Variants in RALGPS1 observed in about 807,000 individuals in gnomAD.
The protein encoded by RALGPS1 is Ral GEF with PH domain and SH3 binding motif 1.
A neutral mutation model predicts 78.8 loss-of-function variants in RALGPS1; 19 were observed. That is an observed-to-expected ratio of 0.24 (90% confidence interval 0.17 to 0.35). The LOEUF is 0.35. Among genes scored for constraint, RALGPS1 ranks in the 10% least tolerant of loss-of-function variants. RALGPS1 has a pLI of 1.00. For missense variants in RALGPS1, 454 were observed against 688.3 expected (o/e 0.66, Z 3.81); for synonymous variants, 228 against 256.3 (o/e 0.89, Z 1.06).
chr9:127,214,638 T>TG, intron 17 of RALGPS1, 113 bp from the exon 18 acceptor site: 1 of 1,476,026 alleles, frequency 6.8e-7, no homozygotes, highest in East Asian at 2.5e-5. Flanking sequence ...CCAGCTCACC[T>TG]GGGGCCGACC....
chr9:126,954,341 C>T (rs1338347426), intron 1 of RALGPS1, among the ~76,000 whole-genome samples: 1 of 152,210 alleles, frequency 6.6e-6, no homozygotes, highest in Non-Finnish European at 1.5e-5. Flanking sequence ...TCTCCTGGAT[C>T]CATTCCCCAC....
intron 8 of RALGPS1, among the ~76,000 whole-genome samples, chr9:127,105,060 C>G (rs1246248331): frequency 6.6e-6 from 1 of 152,158 alleles, no homozygotes; most frequent in African/African-American, 2.4e-5. Context: ...GACCCTCCCC[C>G]AGCTGCTCTC....
chr9:126,957,178 C>G (rs2038424974), intron 1 of RALGPS1, among the ~76,000 whole-genome samples: 2 of 152,212 alleles, frequency 1.3e-5, no homozygotes, highest in Admixed American at 1.3e-4. Context: ...TGGAGCGGAG[C>G]CACCCAGTGA....
At chr9:127,029,832 C>T (rs2046272511) in intron 4 of RALGPS1, among the ~76,000 whole-genome samples, 1 of 152,192 alleles carries the variant, frequency 6.6e-6, no homozygotes, top group Admixed American at 6.5e-5. Flanking sequence ...CACCTCAAGG[C>T]GTCTGACTCC....
intron 1 of RALGPS1, among the ~76,000 whole-genome samples, chr9:126,936,073 C>T (rs1387777639): frequency 6.6e-6 from 1 of 152,224 alleles, no homozygotes; most frequent in Non-Finnish European, 1.5e-5. Context: ...CTTAGGAAGA[C>T]CGCAGTCTGC....
intron 11 of RALGPS1, among the ~76,000 whole-genome samples, chr9:127,182,626 A>T (rs1457628933): frequency 6.6e-6 from 1 of 151,684 alleles, no homozygotes; most frequent in Non-Finnish European, 1.5e-5. Context: ...GATGGGTTTC[A>T]CTATGTTGGC....
intron 8 of RALGPS1, chr9:127,108,611 G>A: frequency 6.2e-7 from 1 of 1,613,644 alleles, no homozygotes; most frequent in Non-Finnish European, 8.5e-7. Context: ...TACCTGTTTA[G>A]GTAAATGAAC....
intron 1 of RALGPS1, among the ~76,000 whole-genome samples, chr9:126,960,219 C>CCTT (rs2038766509): frequency 4.7e-5 from 4 of 85,784 alleles, no homozygotes; most frequent in East Asian, 8.1e-4. Context: ...CTCCCTCCCT[C>CCTT]CCTTCCTTCC....
In RALGPS1 at chr9:127,132,334, G is replaced by A. The variant is rs1044069062; in HGVS notation, c.611-33735G>A. On this transcript the variant is annotated intron_variant, in intron 8 of 18. Transcript: ENST00000259351. The stretch of plus-strand genomic sequence containing the variant: ...ATACAGAAAAGGAAATAAAGGGTAC[G>A]TTAAAAAAAGGTTCCTATAAATCGT... Among the ~76,000 whole-genome samples the A allele has an allele frequency of 4.1e-4, 62 of 152,280 alleles. No individual in the cohort carries two copies. The Middle Eastern group carries it at 0.017, about 42-fold the overall frequency.
In RALGPS1 at chr9:127,218,623, C is replaced by T. The variant is rs1222862743; in HGVS notation, c.1645-117C>T. On this transcript the variant is annotated intron_variant, in intron 18 of 18. Coordinates refer to ENST00000259351, the MANE Select transcript of RALGPS1 (RefSeq NM_014636.3). This position sits in a 1 kb window ranked among gnomAD's most constrained non-coding sequence, Gnocchi z 4.4. Reference sequence around the variant, plus strand: ...TGTTATTGCCATACCCTCTCCCTACCCAACCTGCTCATTCCCAGACTCACG... The same window carrying T: ...TGTTATTGCCATACCCTCTCCCTACTCAACCTGCTCATTCCCAGACTCACG... The T allele has an allele frequency of 1.8e-6, 2 of 1,098,876 alleles. No individual in the cohort carries two copies. The highest frequency in any genetic ancestry group is 2.8e-6 in the Non-Finnish European group (2 of 712,476). 68.1% of individuals were successfully genotyped at this position (1,098,876 alleles called of 1,614,324 possible).
intron 3 of RALGPS1, among the ~76,000 whole-genome samples, chr9:126,974,378 C>A (rs1018831284): frequency 6.6e-6 from 1 of 152,080 alleles, no homozygotes; most frequent in Non-Finnish European, 1.5e-5. Flanking sequence ...GCCCTCCTGG[C>A]CATGCCTTGG....
intron 8 of RALGPS1, chr9:127,093,661 G>T: frequency 6.4e-7 from 1 of 1,559,604 alleles, no homozygotes. Flanking sequence ...CTCTTCTATT[G>T]GTTGCTCAGG....
intron 8 of RALGPS1, among the ~76,000 whole-genome samples, chr9:127,070,672 T>G (rs1228041642): frequency 1.3e-5 from 2 of 152,146 alleles, no homozygotes; most frequent in East Asian, 3.8e-4. Flanking sequence ...GATGTCAGGG[T>G]TTTGCCAGTT....
intron 8 of RALGPS1, among the ~76,000 whole-genome samples, chr9:127,110,983 T>C (rs2054754486): frequency 6.6e-6 from 1 of 152,064 alleles, no homozygotes; most frequent in South Asian, 2.1e-4. Flanking sequence ...GGGGTCACTC[T>C]TCTATTCAAA....
At chr9:126,916,630 A>T (rs1449151776) in intron 1 of RALGPS1, among the ~76,000 whole-genome samples, 1 of 152,048 alleles carries the variant, frequency 6.6e-6, no homozygotes, top group African/African-American at 2.4e-5. Context: ...AAAAATACAA[A>T]AGTCAGCCGG....
chr9:127,077,308 A>C (rs1046831977), intron 8 of RALGPS1, among the ~76,000 whole-genome samples: 1 of 152,214 alleles, frequency 6.6e-6, no homozygotes, highest in African/African-American at 2.4e-5. Context: ...GGCTCTTTAA[A>C]AGCAGTTCAT....
At chr9:127,161,624 A>G (rs2059024496) in intron 8 of RALGPS1, among the ~76,000 whole-genome samples, 1 of 152,188 alleles carries the variant, frequency 6.6e-6, no homozygotes, top group Non-Finnish European at 1.5e-5. Flanking sequence ...CAGGTGGTAG[A>G]TGGCACAGGG....
rs1238575576 is a variant in RALGPS1, at chr9:127,222,898, TGTC to T, written c.*4130_*4132del. On this transcript the variant is annotated 3_prime_UTR_variant, in exon 19 of 19. Coordinates refer to ENST00000259351, the MANE Select transcript of RALGPS1 (RefSeq NM_014636.3). ...TTAAATCTGTTGCACTCTCCTGGGC[TGTC>T]TTTTTCTCCAGCAGACCCCTGCATG... is the stretch of plus-strand genomic sequence containing the variant. The T allele has an allele frequency of 6.6e-6, 1 of 152,644 alleles. No homozygotes were observed. Among genetic ancestry groups the T allele is most frequent in the Non-Finnish European group, 1.5e-5 (1 of 68,048 alleles). The allele number at this position is 152,644 out of a possible 1,614,324, so 9.5% of individuals were successfully genotyped here.
At chr9:126,936,717 G>A (rs1319126843) in intron 1 of RALGPS1, among the ~76,000 whole-genome samples, 1 of 152,012 alleles carries the variant, frequency 6.6e-6, no homozygotes, top group African/African-American at 2.4e-5. Flanking sequence ...TTTCAAACAC[G>A]TGAGGACACA....
Sources: gnomAD v4.1 joint callset for allele counts (sites outside exome capture counted in the v4.1 genomes callset) on GRCh38, gnomAD v4.1.1 for gene constraint, Gnocchi (gnomAD v3.1) non-coding constraint, MANE v1.5 for transcripts, NCBI Gene and HGNC (gene_info 2026-07-23, HGNC 2026-07-21) for gene names.